Variants in BFAR observed in about 807,000 individuals in gnomAD.
BFAR encodes the protein bifunctional apoptosis regulator.
In BFAR, 52 loss-of-function variants were observed where a neutral mutation model predicts 54.4. That is an observed-to-expected ratio of 0.96 (90% CI 0.77 to 1.21). The LOEUF (loss-of-function observed/expected upper bound fraction) is 1.21. Ranked by LOEUF, BFAR falls within the 50% of genes most tolerant of loss-of-function variation. BFAR has a pLI of 0.00. For synonymous variants in BFAR, 215 were observed against 204.3 expected, an observed-to-expected ratio of 1.05 and a Z score of -0.45; for missense variants, 571 against 534.0, an observed-to-expected ratio of 1.07 and a Z score of -0.68.
intron 2 of BFAR, among the ~76,000 whole-genome samples, chr16:14,646,511 T>C (rs1326528341): frequency 6.7e-6 from 1 of 149,554 alleles, no homozygotes; most frequent in Non-Finnish European, 1.5e-5. Flanking sequence ...AAATTTTTTT[T>C]TTTTAAGATG....
At chr16:14,654,090 C>T (rs899189963) in intron 4 of BFAR, among the ~76,000 whole-genome samples, 1 of 148,104 alleles carries the variant, frequency 6.8e-6, no homozygotes, top group Non-Finnish European at 1.5e-5. Flanking sequence ...CGGCTCACTG[C>T]AAGCTCCGCC....
intron 4 of BFAR, among the ~76,000 whole-genome samples, chr16:14,651,583 A>T (rs1282950055): frequency 6.6e-6 from 1 of 152,066 alleles, no homozygotes; most frequent in African/African-American, 2.4e-5. Flanking sequence ...TTAGGGCTCA[A>T]GGAGTCCTAC....
intron 2 of BFAR, among the ~76,000 whole-genome samples, chr16:14,645,495 T>G (rs1184030517): frequency 2.0e-5 from 3 of 152,190 alleles, no homozygotes; most frequent in Admixed American, 6.5e-5. Flanking sequence ...ATTTTCTGCT[T>G]CTTTGGCTCA....
chr16:14,644,079 C>T (rs918601076), intron 1 of BFAR, among the ~76,000 whole-genome samples, 195 bp from the exon 2 acceptor site: 8 of 150,872 alleles, frequency 5.3e-5, no homozygotes, highest in Non-Finnish European at 1.2e-4. Context: ...AGGAGAATTG[C>T]TTGAACCTGG....
At chr16:14,642,798 C>G (rs1215393754) in intron 1 of BFAR, among the ~76,000 whole-genome samples, 1 of 152,172 alleles carries the variant, frequency 6.6e-6, no homozygotes, top group East Asian at 1.9e-4. Context: ...TTACAGGAAG[C>G]ATATCTGTTG....
chr16:14,658,092 C>G (rs1960178972), intron 5 of BFAR, among the ~76,000 whole-genome samples: 1 of 152,078 alleles, frequency 6.6e-6, no homozygotes, highest in Admixed American at 6.6e-5. Flanking sequence ...AAGAGTTGAG[C>G]AGAGGTTTAA....
intron 1 of BFAR, among the ~76,000 whole-genome samples, chr16:14,637,134 A>G (rs764387953): frequency 5.9e-5 from 6 of 102,484 alleles, no homozygotes; most frequent in Non-Finnish European, 1.1e-4. Flanking sequence ...CCCTATTTCT[A>G]TTGTAAATGT....
intron 3 of BFAR, among the ~76,000 whole-genome samples, chr16:14,649,447 G>C (rs1346512534): frequency 6.6e-6 from 1 of 152,154 alleles, no homozygotes; most frequent in Non-Finnish European, 1.5e-5. Flanking sequence ...TTCTTTTAAA[G>C]TTCTGTGCAT....
rs774769101 is a variant in BFAR at position 14,667,686 on chromosome 16, G to A, written c.1212G>A (p.Gly404=). The change falls in exon 8 of 8, where the codon GGG becomes GGA. Residue 404 remains glycine (G), a synonymous_variant. Coordinates refer to ENST00000261658, the MANE Select transcript of BFAR (RefSeq NM_016561.3). ...ATTTCTGGAAAGTATCAACGCAGGG[G>A]CTTTTTGTGGCCATGTTCTGGCCCC... ...WSHFWKVSTQ[G]LFVAMFWPLI... is the part of the protein sequence containing the mutation. 1 of 1,614,200 alleles carries A rather than the reference G, an allele frequency of 6.2e-7. No homozygotes were observed. Among genetic ancestry groups the A allele is most frequent in the Non-Finnish European group, 8.5e-7 (1 of 1,180,014 alleles).
chr16:14,639,747 G>C (rs1403078575), intron 1 of BFAR, among the ~76,000 whole-genome samples: 1 of 152,160 alleles, frequency 6.6e-6, no homozygotes, highest in Non-Finnish European at 1.5e-5. Context: ...GGAAAACATA[G>C]AGAAGGTCAT....
intron 7 of BFAR, among the ~76,000 whole-genome samples, chr16:14,667,148 G>A (rs1477811351): frequency 1.3e-5 from 2 of 151,870 alleles, no homozygotes; most frequent in East Asian, 3.9e-4. Flanking sequence ...ACCAGCCTGG[G>A]TAACATAGCG....
intron 1 of BFAR, among the ~76,000 whole-genome samples, chr16:14,635,722 A>G (rs567421995): frequency 4.6e-5 from 7 of 151,958 alleles, no homozygotes; most frequent in East Asian, 1.9e-4. Flanking sequence ...TGAAAACTCA[A>G]TGTTTTATAC....
At chr16:14,651,791 C>T (rs994969364) in intron 4 of BFAR, among the ~76,000 whole-genome samples, 2 of 151,190 alleles carry the variant, frequency 1.3e-5, no homozygotes, top group African/African-American at 4.9e-5. Flanking sequence ...ATGGAAGATT[C>T]TTAAGACCCA....
chr16:14,634,762 A>G (rs903637618), intron 1 of BFAR, among the ~76,000 whole-genome samples: 2 of 152,202 alleles, frequency 1.3e-5, no homozygotes, highest in Non-Finnish European at 2.9e-5. Context: ...GGAAGAATAA[A>G]TCGTGACGCG....
chr16:14,662,439 A>G (rs1479473520), intron 6 of BFAR, among the ~76,000 whole-genome samples: 2 of 152,066 alleles, frequency 1.3e-5, no homozygotes, highest in Admixed American at 1.3e-4. Context: ...TCCCTTGCAC[A>G]TTCCTCCCCT....
intron 5 of BFAR, among the ~76,000 whole-genome samples, chr16:14,660,120 C>T (rs915669660): frequency 6.6e-6 from 1 of 152,180 alleles, no homozygotes; most frequent in Non-Finnish European, 1.5e-5. Context: ...TAAGCCTTCC[C>T]TCCCAGCCCT....
intron 5 of BFAR, among the ~76,000 whole-genome samples, chr16:14,659,925 C>T (rs906772715): frequency 6.6e-6 from 1 of 152,194 alleles, no homozygotes; most frequent in Non-Finnish European, 1.5e-5. Flanking sequence ...AAAAATCTAA[C>T]AGTAAGTTAT....
intron 4 of BFAR, among the ~76,000 whole-genome samples, chr16:14,654,163 C>T (rs543001661): frequency 2.6e-5 from 4 of 151,580 alleles, no homozygotes; most frequent in Non-Finnish European, 5.9e-5. Flanking sequence ...AGGCGCCTGC[C>T]ACGACACCTG....
intron 7 of BFAR, 58 bp downstream of exon 7, chr16:14,665,129 G>C (rs1428653654): frequency 2.7e-6 from 4 of 1,457,438 alleles, no homozygotes; most frequent in Non-Finnish European, 3.8e-6. Flanking sequence ...CCAAGTGAGA[G>C]AAAGATCCTC....
Sources: gnomAD v4.1 joint callset for allele counts (sites outside exome capture counted in the v4.1 genomes callset) on GRCh38, gnomAD v4.1.1 for gene constraint, MANE v1.5 for transcripts, NCBI Gene and HGNC (gene_info 2026-07-23, HGNC 2026-07-21) for gene names.